SLIT3: variants seen among roughly 807,000 people sequenced by gnomAD.
The protein encoded by SLIT3 is slit homolog 3 protein.
SLIT3 carries 68 observed loss-of-function variants against 184.0 expected under a neutral mutation model. The ratio of observed to expected loss-of-function variants is 0.37; its 90% CI spans 0.30 to 0.45. The LOEUF is 0.45. SLIT3 is among the 20% of genes least tolerant of loss of function. SLIT3 has a pLI of 1.00. For missense variants in SLIT3, 1,707 were observed against 2,026.0 expected, an observed-to-expected ratio of 0.84 and a Z score of 3.02; for synonymous variants, 831 against 828.6, an observed-to-expected ratio of 1.00 and a Z score of -0.05.
intron 4 of SLIT3, among the ~76,000 whole-genome samples, chr5:168,956,886 G>T (rs1235680345): frequency 6.6e-6 from 1 of 151,434 alleles, no homozygotes; most frequent in Non-Finnish European, 1.5e-5. Flanking sequence ...CTCATCCCAG[G>T]TCTGCATATT....
intron 1 of SLIT3, among the ~76,000 whole-genome samples, chr5:169,282,142 G>A (rs953391282): frequency 1.3e-5 from 2 of 152,212 alleles, no homozygotes; most frequent in African/African-American, 4.8e-5. Flanking sequence ...TTGGATATGG[G>A]AGAAGCCGGC....
intron 4 of SLIT3, among the ~76,000 whole-genome samples, chr5:168,995,861 T>G (rs904339554): frequency 3.3e-5 from 5 of 152,162 alleles, no homozygotes; most frequent in African/African-American, 1.2e-4. Flanking sequence ...TGGGCCTCTG[T>G]TCTCATACAA....
intron 4 of SLIT3, among the ~76,000 whole-genome samples, chr5:168,977,846 A>G (rs1322301117): frequency 6.6e-6 from 1 of 152,168 alleles, no homozygotes; most frequent in Non-Finnish European, 1.5e-5. Context: ...AGTGTCCCTG[A>G]GCCCTCAGAG....
At position 169,300,564 on chromosome 5, in the gene SLIT3, C is replaced by T. The variant is rs1170128641; in HGVS notation, c.146G>A (p.Gly49Glu). 6 of 1,510,762 alleles carry T rather than the reference C, an allele frequency of 4.0e-6. No individual in the cohort carries two copies. The highest frequency in any genetic ancestry group is 5.3e-6 in the Non-Finnish European group (6 of 1,133,102). The allele number at this position is 1,510,762 out of a possible 1,614,324, so 93.6% of individuals were successfully genotyped here. A position where few individuals can be genotyped will look rare whatever the true frequency, so the allele number is the denominator to read the frequency against. The change falls in exon 1 of 36, where the codon GGG becomes GAG. Residue 49 changes from glycine (G) to glutamate (E), a missense_variant. Gly to Glu is a moderately conservative substitution (Grantham distance 98, BLOSUM62 -2). Coordinates refer to ENST00000519560, the MANE Select transcript of SLIT3 (RefSeq NM_003062.4). The surrounding 1 kb of genome is among the most constrained non-coding windows in gnomAD (Gnocchi z 4.1). ...CCGAGGAACCGCGCGGAGGCCCAGC[C>T]CGTGGCAGTCCACGCTGGCAGCGGA... ...TCSAASVDCH[G>E]LGLRAVPRGI...
At chr5:169,213,175 A>G (rs1764323670) in intron 3 of SLIT3, among the ~76,000 whole-genome samples, 1 of 152,148 alleles carries the variant, frequency 6.6e-6, no homozygotes, top group Non-Finnish European at 1.5e-5. Flanking sequence ...ATAACAGACA[A>G]AGAGAGAGCC....
At chr5:168,933,314 C>T (rs919754) in intron 4 of SLIT3, among the ~76,000 whole-genome samples, 2,925 of 151,934 alleles carry the variant, frequency 0.019, 106 homozygotes, top group African/African-American at 0.067. Context: ...GAGGCCAAGG[C>T]GGGTGGATCA....
chr5:169,120,187 CAG>C (rs929307907), intron 4 of SLIT3: 1 of 152,212 alleles, frequency 6.6e-6, no homozygotes, highest in African/African-American at 2.4e-5. Context: ...GATATTTGGT[CAG>C]AGTGCTCAGT....
At chr5:169,217,751 A>G (rs998414558) in intron 3 of SLIT3, among the ~76,000 whole-genome samples, 1 of 152,182 alleles carries the variant, frequency 6.6e-6, no homozygotes, top group African/African-American at 2.4e-5. Context: ...ACCCCTACCT[A>G]TGGCCACATC....
chr5:168,859,852 C>T (rs761742181), intron 5 of SLIT3, among the ~76,000 whole-genome samples: 3 of 152,038 alleles, frequency 2.0e-5, no homozygotes, highest in African/African-American at 4.8e-5. Flanking sequence ...GGGCTGTCCA[C>T]GTCTTCCAGT....
At chr5:169,132,677 G>T (rs1021698278) in intron 4 of SLIT3, among the ~76,000 whole-genome samples, 1 of 152,156 alleles carries the variant, frequency 6.6e-6, no homozygotes, top group Non-Finnish European at 1.5e-5. Context: ...CAAGCTGAAG[G>T]TCTGTATGTC....
chr5:168,924,100 C>G (rs533468735), intron 4 of SLIT3, among the ~76,000 whole-genome samples: 1 of 152,220 alleles, frequency 6.6e-6, no homozygotes, highest in Non-Finnish European at 1.5e-5. Flanking sequence ...GTCCACAAGG[C>G]CCTGCATGAT....
At chr5:168,809,371 G>A (rs950927137) in intron 8 of SLIT3, among the ~76,000 whole-genome samples, 1 of 152,198 alleles carries the variant, frequency 6.6e-6, no homozygotes, top group Admixed American at 6.5e-5. Context: ...TAGGCAGAGA[G>A]AAACAATGGT....
At chr5:169,203,734 A>C (rs1190977543) in intron 3 of SLIT3, among the ~76,000 whole-genome samples, 1 of 152,138 alleles carries the variant, frequency 6.6e-6, no homozygotes, top group Non-Finnish European at 1.5e-5. Context: ...AGGGTAGAGC[A>C]GACAGGATTT....
At chr5:168,710,076 T>C (rs1762505713) in intron 25 of SLIT3, 1 of 152,084 alleles carries the variant, frequency 6.6e-6, no homozygotes, top group South Asian at 2.1e-4. Flanking sequence ...TATGTGTCAA[T>C]GGTAAGACAA....
At chr5:168,742,199 A>C (rs962625848) in intron 20 of SLIT3, among the ~76,000 whole-genome samples, 8 of 140,620 alleles carry the variant, frequency 5.7e-5, no homozygotes, top group African/African-American at 1.9e-4. Flanking sequence ...GATGCTGCTG[A>C]GTAGCCCCAA....
In SLIT3 at chr5:168,662,196, C is replaced by A. The variant is rs964620376; in HGVS notation, c.*4258G>T. 4 of 152,238 alleles carry A rather than the reference C, an allele frequency of 2.6e-5. No homozygotes were observed. Among genetic ancestry groups the A allele is most frequent in the Admixed American group, 1.3e-4 (2 of 15,282 alleles). The allele number at this position is 152,238 out of a possible 1,614,324, so 9.4% of individuals were successfully genotyped here. On this transcript the variant is annotated 3_prime_UTR_variant, in exon 36 of 36. Transcript: ENST00000519560. ...TCTGTGTGTCTTTGGTCTATGATCA[C>A]CGCATTCTTCCATTTGTTCGACCCT...
intron 4 of SLIT3, among the ~76,000 whole-genome samples, chr5:169,146,299 T>C (rs575941521): frequency 6.6e-6 from 1 of 152,256 alleles, no homozygotes; most frequent in Non-Finnish European, 1.5e-5. Context: ...TATTCCCTCT[T>C]AAGCACAGGC....
At chr5:169,118,901 T>C (rs192568603) in intron 4 of SLIT3, among the ~76,000 whole-genome samples, 21 of 152,346 alleles carry the variant, frequency 1.4e-4, no homozygotes, top group Admixed American at 6.5e-4. Context: ...ATTTTTTTTT[T>C]ACAGTTTTAG....
chr5:169,297,343 A>G (rs1455239230), intron 1 of SLIT3, among the ~76,000 whole-genome samples: 3 of 152,196 alleles, frequency 2.0e-5, no homozygotes, highest in African/African-American at 7.2e-5. Context: ...TGGCTTAATT[A>G]TGAACAATTG....
Sources: allele counts gnomAD v4.1 joint callset (sites outside exome capture counted in the v4.1 genomes callset), GRCh38; gene constraint gnomAD v4.1.1; non-coding constraint Gnocchi (gnomAD v3.1); transcripts MANE v1.5; gene names NCBI Gene and HGNC (gene_info 2026-07-23, HGNC 2026-07-21).